Variants in MFHAS1 observed in about 807,000 individuals in gnomAD.
The protein encoded by MFHAS1 is multifunctional ROCO family signaling regulator 1.
In MFHAS1, 50 loss-of-function variants were observed where a neutral mutation model predicts 70.4. The observed-to-expected ratio is 0.71, with a 90% CI of 0.57 to 0.90. The LOEUF is 0.90. Ranked by LOEUF, MFHAS1 falls within the 40% of genes least tolerant of loss-of-function variation. The pLI is 0.00. For synonymous variants in MFHAS1, 952 were observed against 620.0 expected, an observed-to-expected ratio of 1.54 and a Z score of -7.96; for missense variants, 1,795 against 1,347.6, an observed-to-expected ratio of 1.33 and a Z score of -5.20.
intron 1 of MFHAS1, among the ~76,000 whole-genome samples, chr8:8,888,229 T>C (rs1809845352): frequency 6.6e-6 from 1 of 152,204 alleles, no homozygotes; most frequent in African/African-American, 2.4e-5. Context: ...TTTTCATGCT[T>C]AAGAATTAAA....
At chr8:8,823,902 C>T (rs569229643) in intron 1 of MFHAS1, among the ~76,000 whole-genome samples, 5 of 125,362 alleles carry the variant, frequency 4.0e-5, no homozygotes, top group African/African-American at 1.5e-4. Context: ...TATGAGTGAG[C>T]GCTCACAGAA....
intron 1 of MFHAS1, among the ~76,000 whole-genome samples, chr8:8,850,637 C>T (rs1261949164): frequency 6.6e-6 from 1 of 151,992 alleles, no homozygotes; most frequent in Non-Finnish European, 1.5e-5. Context: ...GGTCAGGAGA[C>T]CAGCCTGGCC....
chr8:8,825,406 C>G (rs1014899703), intron 1 of MFHAS1, among the ~76,000 whole-genome samples: 1 of 152,230 alleles, frequency 6.6e-6, no homozygotes, highest in Non-Finnish European at 1.5e-5. Flanking sequence ...CTCCTGATCT[C>G]AAGTGATCCA....
intron 1 of MFHAS1, among the ~76,000 whole-genome samples, chr8:8,864,785 T>C (rs1254420384): frequency 6.6e-6 from 1 of 151,620 alleles, no homozygotes; most frequent in Non-Finnish European, 1.5e-5. Context: ...CTACAGGCAC[T>C]AGGGAAAAAA....
chr8:8,822,595 G>A (rs1263798711), intron 1 of MFHAS1, among the ~76,000 whole-genome samples: 1 of 150,988 alleles, frequency 6.6e-6, no homozygotes, highest in Non-Finnish European at 1.5e-5. Flanking sequence ...ACCAAATCAG[G>A]GGGAATGAGA....
intron 1 of MFHAS1, among the ~76,000 whole-genome samples, chr8:8,843,456 C>T (rs542081810): frequency 9.2e-4 from 140 of 152,238 alleles, no homozygotes; most frequent in Non-Finnish European, 1.6e-3. Flanking sequence ...TGTTGTGCAC[C>T]TTTAGTCCCA....
intron 1 of MFHAS1, among the ~76,000 whole-genome samples, chr8:8,847,231 G>A (rs1217535319): frequency 6.6e-6 from 1 of 152,126 alleles, no homozygotes; most frequent in Non-Finnish European, 1.5e-5. Context: ...ATCCAGGCTG[G>A]AGTACAATGG....
rs1172004488 is a variant in MFHAS1 at position 8,880,764 on chromosome 8, A to C, written c.2998+9297T>G. On this transcript the variant is annotated intron_variant, in intron 1 of 2. Transcript: ENST00000276282. ...TAGCGGCGCAATCTCAGCTCACTGC[A>C]ACCTCCGCCTCTTGGGTTCAAGTGA... Among the ~76,000 whole-genome samples the C allele has an allele frequency of 2.6e-5, 4 of 151,018 alleles. No homozygotes were observed. The East Asian group carries it at 5.9e-4, about 22-fold the overall frequency.
chr8:8,803,494 G>A (rs965526946), intron 1 of MFHAS1, among the ~76,000 whole-genome samples: 2 of 149,522 alleles, frequency 1.3e-5, no homozygotes, highest in African/African-American at 4.9e-5. Context: ...TCCAGCCTGG[G>A]CGACAGAGCA....
At chr8:8,880,025 T>C (rs1314023189) in intron 1 of MFHAS1, among the ~76,000 whole-genome samples, 1 of 152,234 alleles carries the variant, frequency 6.6e-6, no homozygotes, top group Non-Finnish European at 1.5e-5. Context: ...CTCTTCTACG[T>C]GTTCTTTACG....
intron 1 of MFHAS1, among the ~76,000 whole-genome samples, chr8:8,835,950 T>G (rs1360992196): frequency 6.6e-6 from 1 of 152,262 alleles, no homozygotes; most frequent in Non-Finnish European, 1.5e-5. Context: ...TGCTAACCGA[T>G]GCTACTACAG....
intron 2 of MFHAS1, among the ~76,000 whole-genome samples, chr8:8,787,831 C>G (rs142414109): frequency 1.3e-5 from 2 of 152,352 alleles, no homozygotes; most frequent in African/African-American, 2.4e-5. Context: ...CTGAGAAACA[C>G]AAGAATACCT....
intron 1 of MFHAS1, among the ~76,000 whole-genome samples, chr8:8,852,456 G>A (rs906197960): frequency 2.0e-5 from 3 of 147,778 alleles, no homozygotes; most frequent in African/African-American, 5.0e-5. Context: ...GCAACAAAGC[G>A]AGACCCTCTC....
At chr8:8,889,168 C>T (rs117080199) in intron 1 of MFHAS1, among the ~76,000 whole-genome samples, 397 of 152,242 alleles carry the variant, frequency 2.6e-3, no homozygotes, top group Admixed American at 6.5e-3. Flanking sequence ...TCTGTCCCTT[C>T]CGTCTCAATT....
chr8:8,853,914 A>G (rs1165713675), intron 1 of MFHAS1, among the ~76,000 whole-genome samples: 2 of 152,188 alleles, frequency 1.3e-5, no homozygotes, highest in Non-Finnish European at 2.9e-5. Flanking sequence ...GTCCATACTC[A>G]CTAACACACT....
intron 1 of MFHAS1, among the ~76,000 whole-genome samples, chr8:8,808,075 C>A (rs1276042451): frequency 1.3e-5 from 2 of 152,180 alleles, no homozygotes; most frequent in East Asian, 3.9e-4. Flanking sequence ...AGCTCCATAC[C>A]CCCCAGCACC....
intron 1 of MFHAS1, among the ~76,000 whole-genome samples, chr8:8,861,701 A>G (rs1196909778): frequency 6.6e-6 from 1 of 152,202 alleles, no homozygotes; most frequent in East Asian, 1.9e-4. Flanking sequence ...CCGTCACCAC[A>G]AAAAGGTTCT....
At chr8:8,882,045 A>C (rs1236026885) in intron 1 of MFHAS1, among the ~76,000 whole-genome samples, 1 of 152,120 alleles carries the variant, frequency 6.6e-6, no homozygotes, top group African/African-American at 2.4e-5. Context: ...GAAAAACCAC[A>C]TGGGACAATG....
chr8:8,888,028 T>C (rs1349770596), intron 1 of MFHAS1, among the ~76,000 whole-genome samples: 1 of 152,186 alleles, frequency 6.6e-6, no homozygotes, highest in Non-Finnish European at 1.5e-5. Context: ...AACTACCCTG[T>C]AAATGCGTAA....
Sources: allele counts gnomAD v4.1 joint callset (sites outside exome capture counted in the v4.1 genomes callset), GRCh38; gene constraint gnomAD v4.1.1; transcripts MANE v1.5; gene names NCBI Gene and HGNC (gene_info 2026-07-23, HGNC 2026-07-21).